Variants in PAK4 observed in about 807,000 individuals in gnomAD.
PAK4 encodes the protein p21 (RAC1) activated kinase 4.
A neutral mutation model predicts 53.5 loss-of-function variants in PAK4; 49 were observed. That is an observed-to-expected ratio of 0.92 (90% CI 0.73 to 1.16). PAK4 has a LOEUF of 1.16. Ranked by LOEUF, PAK4 falls within the 50% of genes most tolerant of loss-of-function variation. PAK4 has a pLI of 0.00. For missense variants in PAK4, 824 were observed against 850.7 expected, an observed-to-expected ratio of 0.97 and a Z score of 0.39; for synonymous variants, 376 against 375.6, an observed-to-expected ratio of 1.00 and a Z score of -0.01.
chr19:39,171,587 A>G (rs977692800), intron 2 of PAK4, among the ~76,000 whole-genome samples: 5 of 152,214 alleles, frequency 3.3e-5, no homozygotes, highest in Admixed American at 2.6e-4. Context: ...CTTCAGGCAG[A>G]CAGCCACGGC....
At chr19:39,142,312 C>T (rs956126106) in intron 1 of PAK4, among the ~76,000 whole-genome samples, 2 of 152,142 alleles carry the variant, frequency 1.3e-5, no homozygotes, top group African/African-American at 4.8e-5. Flanking sequence ...TCTAGAAGCT[C>T]GATCTGATGC....
chr19:39,143,070 C>T (rs2073936133), intron 1 of PAK4, among the ~76,000 whole-genome samples: 1 of 151,984 alleles, frequency 6.6e-6, no homozygotes, highest in African/African-American at 2.4e-5. Flanking sequence ...GACGCCACCC[C>T]TTTAGAGACC....
rs369143802 is a variant in PAK4 at position 39,173,130 on chromosome 19, C to T, written c.417C>T (p.Ala139=). The change falls in exon 3 of 9, where the codon GCC becomes GCT. Residue 139 remains alanine, a synonymous_variant. Coordinates refer to ENST00000358301, the Ensembl canonical transcript of PAK4. This position sits in a 1 kb window ranked among gnomAD's most constrained non-coding sequence, Gnocchi z 6.9. ...AGGCAGGCAGCCGAGGCCGGTTCGC[C>T]GGTCACAGCGAGGCGGGTGGCGGCA... 295 of 1,546,772 alleles carry T rather than the reference C, an allele frequency of 1.9e-4. No individual in the cohort carries two copies. The highest frequency in any genetic ancestry group is 2.7e-4 in the East Asian group (11 of 40,890).
At chr19:39,157,989 G>C (rs1273574478) in intron 1 of PAK4, among the ~76,000 whole-genome samples, 1 of 152,194 alleles carries the variant, frequency 6.6e-6, no homozygotes, top group Non-Finnish European at 1.5e-5. Context: ...ACATGCATCT[G>C]TGTCTAGGGA....
chr19:39,173,486 G>A lies in PAK4; in HGVS notation c.664-90G>A, dbSNP rs1018497886. 1.7e-5 allele frequency: 23 copies of A among 1,349,570 alleles called. No individual in the cohort carries two copies. Among genetic ancestry groups the A allele is most frequent in the Non-Finnish European group, 2.2e-5 (22 of 992,114 alleles). The allele number at this position is 1,349,570 out of a possible 1,614,324, so 83.6% of individuals were successfully genotyped here. A position where few individuals can be genotyped will look rare whatever the true frequency, so the allele number is the denominator to read the frequency against. ...TGCATCTCATCCTGACCACCCATGT[G>A]TCTGTCCCATCGCTGGGTCTCTCTC... On this transcript the variant is annotated intron_variant, in intron 3 of 8. Transcript: ENST00000358301. The surrounding 1 kb of genome is among the most constrained non-coding windows in gnomAD (Gnocchi z 6.9).
At chr19:39,150,788 G>A (rs995580096) in intron 1 of PAK4, among the ~76,000 whole-genome samples, 4 of 152,188 alleles carry the variant, frequency 2.6e-5, no homozygotes, top group Admixed American at 6.5e-5. Flanking sequence ...TGGCACCCAC[G>A]TTGTCTCCCC....
At chr19:39,129,264 G>A (rs932450662) in intron 1 of PAK4, among the ~76,000 whole-genome samples, 3 of 151,812 alleles carry the variant, frequency 2.0e-5, no homozygotes, top group African/African-American at 7.3e-5. Context: ...GTAGGCCTGG[G>A]ACAGGCCATT....
chr19:39,134,038 CCTT>C (rs1202636574), intron 1 of PAK4, among the ~76,000 whole-genome samples: 6 of 152,176 alleles, frequency 3.9e-5, no homozygotes, highest in Admixed American at 3.3e-4. Flanking sequence ...AGGCCCCTGT[CCTT>C]CTCTCCCGAG....
At chr19:39,153,730 C>T (rs11879196) in intron 1 of PAK4, among the ~76,000 whole-genome samples, 2,867 of 152,278 alleles carry the variant, frequency 0.019, 97 homozygotes, top group African/African-American at 0.066. Flanking sequence ...GTGTGAACCA[C>T]CCCACCTGGC....
At chr19:39,174,649 C>T (rs938216251) in intron 4 of PAK4, among the ~76,000 whole-genome samples, 2 of 152,104 alleles carry the variant, frequency 1.3e-5, no homozygotes, top group Non-Finnish European at 2.9e-5. Context: ...GGTCTCAGCC[C>T]TGTGATTGAA....
chr19:39,162,143 T>C (rs961474616), intron 1 of PAK4, among the ~76,000 whole-genome samples: 3 of 151,478 alleles, frequency 2.0e-5, no homozygotes, highest in Non-Finnish European at 4.4e-5. Context: ...GTATTTTTAG[T>C]GGAGATGGGA....
intron 1 of PAK4, among the ~76,000 whole-genome samples, chr19:39,147,762 C>G (rs1364936889): frequency 6.7e-6 from 1 of 149,152 alleles, no homozygotes; most frequent in African/African-American, 2.5e-5. Context: ...ACGTGCTTAT[C>G]TGCCATCTGT....
At chr19:39,131,012 CCT>C (rs1206937066) in intron 1 of PAK4, among the ~76,000 whole-genome samples, 2 of 151,906 alleles carry the variant, frequency 1.3e-5, no homozygotes, top group African/African-American at 2.4e-5. Context: ...GCGCTTTACC[CCT>C]GTTACCTCAC....
At chr19:39,170,470 CAT>C (rs1253666216) in intron 2 of PAK4, among the ~76,000 whole-genome samples, 2 of 152,128 alleles carry the variant, frequency 1.3e-5, no homozygotes, top group Non-Finnish European at 2.9e-5. Context: ...CATGTGAAAT[CAT>C]AAGAGTTGTG....
intron 1 of PAK4, among the ~76,000 whole-genome samples, chr19:39,157,369 A>G (rs1049929958): frequency 2.6e-5 from 4 of 151,368 alleles, no homozygotes; most frequent in African/African-American, 9.7e-5. Flanking sequence ...CTATGTGTGG[A>G]TCTCTTTGGG....
intron 1 of PAK4, 102 bp from the exon 3 acceptor site, chr19:39,169,430 G>T: frequency 1.2e-6 from 1 of 843,420 alleles, no homozygotes. Context: ...ACTGCCTCCT[G>T]TTGGTCCCGG....
At chr19:39,169,896 A>C in intron 2 of PAK4, 139 bp downstream of exon 3, 2 of 670,632 alleles carry the variant, frequency 3.0e-6, no homozygotes, top group Non-Finnish European at 5.0e-6. Context: ...TTCCACCCCT[A>C]TCCTGGGTCC....
At chr19:39,176,759 C>T (rs745976359) in intron 7 of PAK4, 44 bp downstream of exon 8, 89 of 1,590,474 alleles carry the variant, frequency 5.6e-5, no homozygotes, top group Admixed American at 1.5e-4. Context: ...GGACAGCGTA[C>T]GCTGCCATTT....
In PAK4 at chr19:39,133,191, C is replaced by A. The variant is rs181940625; in HGVS notation, c.-23+7272C>A. Among the ~76,000 whole-genome samples, 222 of 152,318 alleles carry A rather than the reference C, an allele frequency of 1.5e-3. 1 individual carries two copies. Among genetic ancestry groups the A allele is most frequent in the African/African-American group, 5.1e-3 (211 of 41,572 alleles). On this transcript the variant is annotated intron_variant, in intron 1 of 8. Transcript: ENST00000358301. ...CCTCTCTGTGCCCGGGTGTCCTCAT[C>A]TGTAAAATGAGGGTGCTAATGATAT...
Sources: allele counts gnomAD v4.1 joint callset (sites outside exome capture counted in the v4.1 genomes callset), GRCh38; gene constraint gnomAD v4.1.1; non-coding constraint Gnocchi (gnomAD v3.1); transcripts MANE v1.5; gene names NCBI Gene and HGNC (gene_info 2026-07-23, HGNC 2026-07-21).